The following IMPG1 variants were observed in gnomAD, a reference collection of about 807,000 sequenced individuals.
The protein encoded by IMPG1 is interphotoreceptor matrix proteoglycan of 150 kDa.
A neutral mutation model predicts 92.0 loss-of-function variants in IMPG1; 85 were observed. The observed-to-expected ratio is 0.92, with a 90% CI of 0.78 to 1.11. The LOEUF is 1.11. Ranked by LOEUF, IMPG1 falls within the 50% of genes least tolerant of loss-of-function variation. The probability of loss-of-function intolerance (pLI) is 0.00; values close to 1 mark genes in which losing one functional copy is unlikely to be tolerated. For missense variants in IMPG1, 1,022 were observed against 956.0 expected (o/e 1.07, Z -0.91); for synonymous variants, 367 against 334.1 (o/e 1.10, Z -1.08).
At chr6:76,040,140 A>G (rs1783809582) in intron 2 of IMPG1, among the ~76,000 whole-genome samples, 1 of 152,230 alleles carries the variant, frequency 6.6e-6, no homozygotes, top group African/African-American at 2.4e-5. Context: ...ACCTAGGGGC[A>G]GCCATAAAGA....
chr6:76,042,741 T>C (rs1422946199), intron 1 of IMPG1, among the ~76,000 whole-genome samples: 1 of 152,018 alleles, frequency 6.6e-6, no homozygotes, highest in African/African-American at 2.4e-5. Context: ...AGGGGGAGGC[T>C]TCACCCTTCC....
chr6:76,039,988 G>C (rs943654143), intron 2 of IMPG1, among the ~76,000 whole-genome samples: 1 of 152,222 alleles, frequency 6.6e-6, no homozygotes, highest in South Asian at 2.1e-4. Flanking sequence ...GGATAATTTT[G>C]TAAAAGTAGC....
intron 15 of IMPG1, among the ~76,000 whole-genome samples, chr6:75,924,739 T>TATAATAG (rs1562335426): frequency 1.7e-5 from 1 of 59,978 alleles, no homozygotes; most frequent in Admixed American, 3.2e-4. Context: ...ATATATAATA[T>TATAATAG]ATAATATATA....
At chr6:75,989,184 G>A (rs1782772926) in intron 12 of IMPG1, among the ~76,000 whole-genome samples, 1 of 152,110 alleles carries the variant, frequency 6.6e-6, no homozygotes, top group Admixed American at 6.5e-5. Flanking sequence ...CAACTCCTGG[G>A]CTCAAGCGAT....
chr6:75,980,290 A>G (rs1782606027), intron 12 of IMPG1, among the ~76,000 whole-genome samples: 1 of 152,242 alleles, frequency 6.6e-6, no homozygotes, highest in African/African-American at 2.4e-5. Context: ...CTTAAACATG[A>G]GGTTTAAAGG....
At chr6:76,000,993 G>T (rs1026789330) in intron 12 of IMPG1, among the ~76,000 whole-genome samples, 1 of 152,198 alleles carries the variant, frequency 6.6e-6, no homozygotes, top group African/African-American at 2.4e-5. Context: ...TGGCTGTGCC[G>T]CAAGCTATGA....
chr6:75,981,800 A>T (rs1443206214), intron 12 of IMPG1, among the ~76,000 whole-genome samples: 1 of 152,250 alleles, frequency 6.6e-6, no homozygotes, highest in African/African-American at 2.4e-5. Context: ...AGAATGCAAG[A>T]GACTAATTCT....
chr6:75,955,083 C>T lies in IMPG1; in HGVS notation c.1292-3989G>A, dbSNP rs189929700. On this transcript the variant is annotated intron_variant, in intron 12 of 16. Coordinates refer to ENST00000369950, the MANE Select transcript of IMPG1 (RefSeq NM_001563.4). ...CTTTGTTCTTTTTGCTTAGAATTAT[C>T]TTAGCCATACAGGCTCTTTTTTGGT... Among the ~76,000 whole-genome samples the T allele has an allele frequency of 7.3e-4, 111 of 152,240 alleles. 1 individual carries two copies. Among genetic ancestry groups the T allele is most frequent in the African/African-American group, 2.6e-3 (108 of 41,566 alleles).
intron 12 of IMPG1, among the ~76,000 whole-genome samples, chr6:75,953,363 A>G (rs1782066518): frequency 6.6e-6 from 1 of 152,108 alleles, no homozygotes; most frequent in Non-Finnish European, 1.5e-5. Context: ...GGTTTGCTGC[A>G]TTCATCAACA....
intron 2 of IMPG1, among the ~76,000 whole-genome samples, 161 bp downstream of exon 2, chr6:76,041,732 G>A (rs550411061): frequency 7.2e-5 from 11 of 152,262 alleles, no homozygotes; most frequent in African/African-American, 2.2e-4. Flanking sequence ...AGTTTTGAAT[G>A]TTTATTATTC....
chr6:75,969,791 A>C (rs1782374326), intron 12 of IMPG1, among the ~76,000 whole-genome samples: 2 of 152,186 alleles, frequency 1.3e-5, no homozygotes, highest in African/African-American at 4.8e-5. Context: ...GTTACTTGGA[A>C]AAAATATGAA....
intron 1 of IMPG1, among the ~76,000 whole-genome samples, chr6:76,053,410 G>A (rs1784074212): frequency 6.6e-6 from 1 of 152,028 alleles, no homozygotes; most frequent in African/African-American, 2.4e-5. Context: ...AGGTGGATGG[G>A]GACAACAAGT....
At chr6:75,933,283 T>C (rs994303761) in intron 14 of IMPG1, among the ~76,000 whole-genome samples, 7 of 152,186 alleles carry the variant, frequency 4.6e-5, no homozygotes, top group African/African-American at 1.4e-4. Flanking sequence ...ATCCTCATGA[T>C]TGGTGTGTAG....
Position 75,987,887 on chromosome 6 carries a change from T to C in IMPG1, c.1291+15031A>G, listed in dbSNP as rs185231290. On this transcript the variant is annotated intron_variant, in intron 12 of 16. Coordinates refer to ENST00000369950, the MANE Select transcript of IMPG1 (RefSeq NM_001563.4). ...TGGTTTCGATCTCCTGACCTCGTGA[T>C]CCACCCACCTCGGCCTCCCAAAGTG... is the stretch of plus-strand genomic sequence containing the variant. Among the ~76,000 whole-genome samples the C allele has an allele frequency of 5.3e-5, 8 of 152,308 alleles. 1 individual carries two copies. The South Asian group carries it at 1.4e-3, about 28-fold the overall frequency.
chr6:75,934,583 AG>A (rs1280073717), intron 14 of IMPG1, among the ~76,000 whole-genome samples: 1 of 152,202 alleles, frequency 6.6e-6, no homozygotes, highest in Non-Finnish European at 1.5e-5. Context: ...AAAGTTAAAA[AG>A]ATCATGGTCC....
chr6:76,020,298 C>T (rs1783396864), intron 6 of IMPG1, among the ~76,000 whole-genome samples: 1 of 152,170 alleles, frequency 6.6e-6, no homozygotes, highest in Non-Finnish European at 1.5e-5. Flanking sequence ...AGTGATCCTC[C>T]TATGTTGGTC....
At chr6:76,034,897 A>C in intron 2 of IMPG1, 110 bp from the exon 3 acceptor site, 2 of 867,270 alleles carry the variant, frequency 2.3e-6, no homozygotes, top group Non-Finnish European at 3.6e-6. Flanking sequence ...CGACACACTA[A>C]TTTACAGTCT....
rs369927681 is a variant in IMPG1, at chr6:75,988,810, T to C, written c.1291+14108A>G. ...CCCAGGGAAATGCCCAAGTTGCAGTTCCAGTTTCCTTTCCAGGAAGCCACT... is the reference window on the plus strand; with the variant it reads ...CCCAGGGAAATGCCCAAGTTGCAGTCCCAGTTTCCTTTCCAGGAAGCCACT... On this transcript the variant is annotated intron_variant, in intron 12 of 16. Coordinates refer to ENST00000369950, the MANE Select transcript of IMPG1 (RefSeq NM_001563.4). Among the ~76,000 whole-genome samples the C allele has an allele frequency of 9.3e-4, 141 of 152,300 alleles. 1 individual carries two copies. Among genetic ancestry groups the C allele is most frequent in the African/African-American group, 3.2e-3 (132 of 41,578 alleles).
At chr6:76,002,020 T>C (rs1407284474) in intron 12 of IMPG1, among the ~76,000 whole-genome samples, 3 of 152,186 alleles carry the variant, frequency 2.0e-5, no homozygotes, top group Non-Finnish European at 2.9e-5. Context: ...CACTCAAAAC[T>C]TGTAGAATGT....
Sources: gnomAD v4.1 joint callset for allele counts (sites outside exome capture counted in the v4.1 genomes callset) on GRCh38, gnomAD v4.1.1 for gene constraint, MANE v1.5 for transcripts, NCBI Gene and HGNC (gene_info 2026-07-23, HGNC 2026-07-21) for gene names.